PDE4D: variants seen among roughly 807,000 people sequenced by gnomAD.
The protein encoded by PDE4D is 3',5'-cyclic-AMP phosphodiesterase 4D.
PDE4D carries 24 observed loss-of-function variants against 87.4 expected under a neutral mutation model. The observed-to-expected ratio is 0.27, with a 90% confidence interval of 0.20 to 0.39. The LOEUF (loss-of-function observed/expected upper bound fraction) is 0.39. Among genes scored for constraint, PDE4D ranks in the 10% least tolerant of loss-of-function variants. PDE4D has a pLI of 1.00. For missense variants in PDE4D, 714 were observed against 1,041.0 expected (o/e 0.69, Z 4.32); for synonymous variants, 384 against 383.2 (o/e 1.00, Z -0.02).
intron 1 of PDE4D, among the ~76,000 whole-genome samples, chr5:59,678,154 T>A (rs1158193767): frequency 6.6e-6 from 1 of 152,224 alleles, no homozygotes; most frequent in Non-Finnish European, 1.5e-5. Flanking sequence ...AAAAATGTCT[T>A]GGCTTGCTTT....
intron 1 of PDE4D, among the ~76,000 whole-genome samples, chr5:59,371,543 T>G (rs894624035): frequency 2.0e-5 from 3 of 152,288 alleles, no homozygotes; most frequent in Admixed American, 1.3e-4. Context: ...CATACTCAGT[T>G]AAGGTGGTTT....
chr5:60,449,071 GCACACACACA>G (rs35440197), intron 1 of PDE4D, among the ~76,000 whole-genome samples: 61 of 95,144 alleles, frequency 6.4e-4, no homozygotes, highest in African/African-American at 9.1e-4. Context: ...AACTGCCCGC[GCACACACACA>G]CACACACACA....
intron 5 of PDE4D, among the ~76,000 whole-genome samples, chr5:59,113,793 C>A (rs1225747185): frequency 3.3e-5 from 5 of 152,118 alleles, no homozygotes; most frequent in Admixed American, 6.5e-5. Context: ...TCAGTTTCCA[C>A]AACTATGAAA....
intron 1 of PDE4D, among the ~76,000 whole-genome samples, chr5:59,607,314 CTG>C (rs1306604983): frequency 3.9e-5 from 6 of 152,106 alleles, no homozygotes; most frequent in Non-Finnish European, 2.9e-5. Flanking sequence ...CTAGCACTGA[CTG>C]AGTGCCCAGC....
At chr5:59,453,892 T>G (rs1291323852) in intron 1 of PDE4D, among the ~76,000 whole-genome samples, 1 of 152,252 alleles carries the variant, frequency 6.6e-6, no homozygotes, top group Non-Finnish European at 1.5e-5. Context: ...TTTAGCACTT[T>G]CACAACTAGA....
At chr5:59,853,704 G>C (rs1424267385) in intron 1 of PDE4D, among the ~76,000 whole-genome samples, 1 of 151,888 alleles carries the variant, frequency 6.6e-6, no homozygotes, top group Non-Finnish European at 1.5e-5. Flanking sequence ...GCAAAAATTT[G>C]GGAAAAACAT....
chr5:59,715,183 C>A (rs376497109), intron 1 of PDE4D, among the ~76,000 whole-genome samples: 1 of 152,218 alleles, frequency 6.6e-6, no homozygotes, highest in Non-Finnish European at 1.5e-5. Context: ...AACAACCCCC[C>A]GGACTGGGAC....
At chr5:59,717,911 CT>C (rs1755259026) in intron 1 of PDE4D, among the ~76,000 whole-genome samples, 1 of 152,174 alleles carries the variant, frequency 6.6e-6, no homozygotes, top group South Asian at 2.1e-4. Context: ...TGTCAGTTAC[CT>C]TTGCTAAATC....
intron 1 of PDE4D, among the ~76,000 whole-genome samples, chr5:60,278,545 T>C (rs929479894): frequency 6.6e-6 from 1 of 152,188 alleles, no homozygotes; most frequent in African/African-American, 2.4e-5. Context: ...TCTTTTGTTA[T>C]AATTACATGG....
intron 3 of PDE4D, among the ~76,000 whole-genome samples, chr5:59,923,299 C>T (rs1754881375): frequency 6.6e-6 from 1 of 152,192 alleles, no homozygotes; most frequent in Admixed American, 6.5e-5. Context: ...CCTGAAGGGA[C>T]AGATACAAGC....
intron 2 of PDE4D, among the ~76,000 whole-genome samples, chr5:59,997,862 G>A (rs1239799692): frequency 2.6e-5 from 4 of 152,130 alleles, no homozygotes; most frequent in African/African-American, 9.7e-5. Context: ...ACAAAAAACT[G>A]TTACTATTCC....
At chr5:58,999,806 G>A (rs1750099393) in intron 6 of PDE4D, 2 of 1,001,082 alleles carry the variant, frequency 2.0e-6, no homozygotes, top group Non-Finnish European at 1.2e-6. Context: ...ACGTGATAAA[G>A]GAATATCTAA....
At chr5:59,139,131 AG>A (rs2153454540) in intron 5 of PDE4D, among the ~76,000 whole-genome samples, 1 of 152,292 alleles carries the variant, frequency 6.6e-6, no homozygotes, top group East Asian at 1.9e-4. Context: ...TTTGGAAGGA[AG>A]GGGATGCACA....
intron 1 of PDE4D, among the ~76,000 whole-genome samples, chr5:59,296,031 T>C (rs1315240660): frequency 2.0e-5 from 3 of 151,868 alleles, no homozygotes; most frequent in Non-Finnish European, 4.4e-5. Context: ...TGTGAAGTTA[T>C]ATGTGAGATC....
intron 5 of PDE4D, among the ~76,000 whole-genome samples, chr5:59,096,765 A>G (rs1262363496): frequency 6.6e-6 from 1 of 152,214 alleles, no homozygotes; most frequent in African/African-American, 2.4e-5. Flanking sequence ...GGACCCATAG[A>G]CAGAGAAACT....
chr5:58,988,663 G>A (rs1747122156), intron 10 of PDE4D, 71 bp from the exon 11 acceptor site: 5 of 613,524 alleles, frequency 8.1e-6, no homozygotes, highest in South Asian at 7.8e-5. Flanking sequence ...AAACAAATAA[G>A]AAATCTCTAG....
chr5:60,188,939 G>A (rs1264297778), intron 1 of PDE4D, among the ~76,000 whole-genome samples: 1 of 152,150 alleles, frequency 6.6e-6, no homozygotes, highest in Non-Finnish European at 1.5e-5. Flanking sequence ...AAAAATCAAA[G>A]CTGTGCCTAA....
chr5:59,419,519 C>T (rs1794143764), intron 1 of PDE4D, among the ~76,000 whole-genome samples: 1 of 152,128 alleles, frequency 6.6e-6, no homozygotes, highest in Non-Finnish European at 1.5e-5. Context: ...AGGGCAGGTT[C>T]TTTGTATGAT....
At chr5:59,824,411 A>T (rs1237241901) in intron 1 of PDE4D, among the ~76,000 whole-genome samples, 1 of 152,126 alleles carries the variant, frequency 6.6e-6, no homozygotes, top group African/African-American at 2.4e-5. Flanking sequence ...CCCTTCTGTG[A>T]GCAGGGACCT....
Sources: allele counts gnomAD v4.1 joint callset (sites outside exome capture counted in the v4.1 genomes callset), GRCh38; gene constraint gnomAD v4.1.1; transcripts MANE v1.5; gene names NCBI Gene and HGNC (gene_info 2026-07-23, HGNC 2026-07-21).